HS6ST3: variants seen among roughly 807,000 people sequenced by gnomAD.
HS6ST3 encodes the protein heparan-sulfate 6-O-sulfotransferase 3.
Under a neutral mutation model 36.7 loss-of-function variants are expected in HS6ST3, and 12 were observed. The observed-to-expected ratio is 0.33, with a 90% confidence interval of 0.21 to 0.53. The LOEUF is 0.53. Ranked by LOEUF, HS6ST3 falls within the 20% of genes least tolerant of loss-of-function variation. The pLI, the probability that HS6ST3 is intolerant of heterozygous loss-of-function variation, is 0.95. For missense variants in HS6ST3, 584 were observed against 640.9 expected (o/e 0.91, Z 0.96); for synonymous variants, 240 against 257.5 (o/e 0.93, Z 0.65).
intron 1 of HS6ST3, among the ~76,000 whole-genome samples, chr13:96,659,471 A>G (rs1429828193): frequency 1.3e-5 from 2 of 152,028 alleles, no homozygotes; most frequent in East Asian, 1.9e-4. Context: ...TATTTTTTCA[A>G]TCTCTTCATG....
intron 1 of HS6ST3, among the ~76,000 whole-genome samples, chr13:96,279,308 A>C (rs578036071): frequency 1.8e-4 from 28 of 152,266 alleles, no homozygotes; most frequent in Admixed American, 1.7e-3. Flanking sequence ...ATTACATTGA[A>C]TTTGTTTACT....
chr13:96,241,675 G>T (rs1380850349), intron 1 of HS6ST3, among the ~76,000 whole-genome samples: 1 of 148,530 alleles, frequency 6.7e-6, no homozygotes, highest in Non-Finnish European at 1.5e-5. Flanking sequence ...ATCAATAAAA[G>T]ACTTTCAAGC....
rs2055288993 is a variant in HS6ST3, at chr13:96,371,317, C to T, written c.707+279748C>T. Among the ~76,000 whole-genome samples, 4 of 152,062 alleles carry T rather than the reference C, an allele frequency of 2.6e-5. No homozygotes were observed. The South Asian group carries it at 8.3e-4, about 32-fold the overall frequency. ...ATCTTTTTAGAAATCTTTTTTATAGCTTTCTTGAAGTAAAATTGACAAATA... is the reference window on the plus strand; with the variant it reads ...ATCTTTTTAGAAATCTTTTTTATAGTTTTCTTGAAGTAAAATTGACAAATA... On this transcript the variant is annotated intron_variant, in intron 1 of 1. Coordinates refer to ENST00000376705, the MANE Select transcript of HS6ST3 (RefSeq NM_153456.4).
chr13:96,101,091 A>G (rs1442778677), intron 1 of HS6ST3, among the ~76,000 whole-genome samples: 1 of 152,206 alleles, frequency 6.6e-6, no homozygotes, highest in Non-Finnish European at 1.5e-5. Context: ...TTGTCATCTT[A>G]GTACCCCAGA....
intron 1 of HS6ST3, among the ~76,000 whole-genome samples, chr13:96,412,294 C>T (rs938162858): frequency 6.6e-6 from 1 of 152,138 alleles, no homozygotes; most frequent in African/African-American, 2.4e-5. Flanking sequence ...AGAGCCACTG[C>T]ACCTGGCCGT....
At chr13:96,456,040 T>C (rs529307596) in intron 1 of HS6ST3, among the ~76,000 whole-genome samples, 1 of 152,338 alleles carries the variant, frequency 6.6e-6, no homozygotes, top group African/African-American at 2.4e-5. Context: ...GTCAATTTCA[T>C]TGAGTGCTTT....
intron 1 of HS6ST3, among the ~76,000 whole-genome samples, chr13:96,534,246 G>T (rs980055443): frequency 6.6e-6 from 1 of 152,126 alleles, no homozygotes; most frequent in East Asian, 1.9e-4. Context: ...GTGAGCAAAT[G>T]GATGCTCATG....
At chr13:96,759,819 T>C (rs1876921444) in intron 1 of HS6ST3, among the ~76,000 whole-genome samples, 1 of 152,058 alleles carries the variant, frequency 6.6e-6, no homozygotes, top group African/African-American at 2.4e-5. Flanking sequence ...TTCTAAGAGC[T>C]ACTGAGTGTT....
chr13:96,099,953 C>A (rs1001637573), intron 1 of HS6ST3, among the ~76,000 whole-genome samples: 2 of 152,012 alleles, frequency 1.3e-5, no homozygotes, highest in African/African-American at 4.8e-5. Context: ...TAACTTAATG[C>A]GTGTCTGTAA....
intron 1 of HS6ST3, among the ~76,000 whole-genome samples, chr13:96,544,714 C>G (rs2056190793): frequency 6.6e-6 from 1 of 152,152 alleles, no homozygotes; most frequent in Admixed American, 6.5e-5. Flanking sequence ...TTTCTCCTCT[C>G]TTATTTGTGC....
At chr13:96,499,161 G>GA (rs1443036426) in intron 1 of HS6ST3, among the ~76,000 whole-genome samples, 7 of 151,966 alleles carry the variant, frequency 4.6e-5, no homozygotes, top group Non-Finnish European at 1.0e-4. Flanking sequence ...CAGTAGCTGG[G>GA]ATTACAAGTG....
At chr13:96,159,494 G>A (rs986311674) in intron 1 of HS6ST3, among the ~76,000 whole-genome samples, 3 of 152,114 alleles carry the variant, frequency 2.0e-5, no homozygotes, top group African/African-American at 4.8e-5. Context: ...AGAGAATTCC[G>A]GGTCACATCT....
chr13:96,212,089 C>T (rs1311594354), intron 1 of HS6ST3, among the ~76,000 whole-genome samples: 1 of 152,068 alleles, frequency 6.6e-6, no homozygotes, highest in Non-Finnish European at 1.5e-5. Context: ...TCAATTGCTG[C>T]CAGACATATT....
chr13:96,606,003 C>A (rs144471808), intron 1 of HS6ST3, among the ~76,000 whole-genome samples: 1 of 152,146 alleles, frequency 6.6e-6, no homozygotes, highest in South Asian at 2.1e-4. Context: ...CAGATACATG[C>A]AAATCAAAAC....
At chr13:96,311,335 T>C (rs1167689246) in intron 1 of HS6ST3, among the ~76,000 whole-genome samples, 2 of 152,172 alleles carry the variant, frequency 1.3e-5, no homozygotes, top group Non-Finnish European at 2.9e-5. Flanking sequence ...CCTCTGTAAC[T>C]GTGGAATGGC....
At chr13:96,130,202 C>CT (rs2053969166) in intron 1 of HS6ST3, among the ~76,000 whole-genome samples, 1 of 152,084 alleles carries the variant, frequency 6.6e-6, no homozygotes, top group Non-Finnish European at 1.5e-5. Flanking sequence ...GGTAGGGAAT[C>CT]TTTTTTGTTT....
chr13:96,112,771 A>AACAG (rs1439669571), intron 1 of HS6ST3, among the ~76,000 whole-genome samples: 3 of 150,088 alleles, frequency 2.0e-5, no homozygotes, highest in South Asian at 4.3e-4. Flanking sequence ...TGTTTCAACA[A>AACAG]ACAAACAAAC....
At chr13:96,347,997 T>C (rs1033223839) in intron 1 of HS6ST3, among the ~76,000 whole-genome samples, 4 of 152,222 alleles carry the variant, frequency 2.6e-5, no homozygotes, top group African/African-American at 9.6e-5. Flanking sequence ...TAGCACACTC[T>C]TTGGCATAGA....
chr13:96,717,607 A>G (rs1875733255), intron 1 of HS6ST3, among the ~76,000 whole-genome samples: 1 of 152,230 alleles, frequency 6.6e-6, no homozygotes, highest in East Asian at 1.9e-4. Context: ...ATTCGTTACT[A>G]AGTACTGTGT....
Sources: allele counts gnomAD v4.1 joint callset (sites outside exome capture counted in the v4.1 genomes callset), GRCh38; gene constraint gnomAD v4.1.1; transcripts MANE v1.5; gene names NCBI Gene and HGNC (gene_info 2026-07-23, HGNC 2026-07-21).